Variants in MBNL3 observed in about 807,000 individuals in gnomAD.
MBNL3 encodes the protein muscleblind like splicing regulator 3, also known as muscleblind-like protein 3.
In MBNL3, 6 loss-of-function variants were observed where a neutral mutation model predicts 24.5. The observed-to-expected ratio is 0.25, with a 90% CI of 0.13 to 0.48. The LOEUF (loss-of-function observed/expected upper bound fraction) is 0.48, where lower values mean the gene tolerates loss of function less well. MBNL3 is among the 20% of genes least tolerant of loss of function. MBNL3 has a pLI of 0.99. For synonymous variants in MBNL3, 100 were observed against 101.7 expected, an observed-to-expected ratio of 0.98 and a Z score of 0.10; for missense variants, 230 against 293.5, an observed-to-expected ratio of 0.78 and a Z score of 1.58.
chrX:132,478,978 G>A (rs1182470600), intron 1 of MBNL3, among the ~76,000 whole-genome samples: 1 of 112,279 alleles, frequency 8.9e-6, no homozygotes, highest in Admixed American at 9.4e-5. Flanking sequence ...GGCCCGGCAC[G>A]GTGGCTCACG....
At chrX:132,477,115 T>C (rs771801293) in intron 1 of MBNL3, among the ~76,000 whole-genome samples, 1 of 112,515 alleles carries the variant, frequency 8.9e-6, no homozygotes, top group African/African-American at 3.2e-5. Flanking sequence ...ATTTCACCCT[T>C]CAACATTTTT....
rs1272827800 is a variant in MBNL3, at chrX:132,437,047, C to T, written c.177+2388G>A. Among the ~76,000 whole-genome samples the T allele has an allele frequency of 3.6e-5, 4 of 111,546 alleles. No homozygotes were observed. The East Asian group carries it at 1.1e-3, about 31-fold the overall frequency. On this transcript the variant is annotated intron_variant, in intron 2 of 8. Coordinates refer to ENST00000370853, the MANE Select transcript of MBNL3 (RefSeq NM_001386889.1). ...TCTATTTTGTCTCTGAATTAAACACCTTCCAAGCTCTAAAGTTGTAGTGCA... is the reference window on the plus strand; with the variant it reads ...TCTATTTTGTCTCTGAATTAAACACTTTCCAAGCTCTAAAGTTGTAGTGCA...
chrX:132,435,651 A>G (rs1945079274), intron 2 of MBNL3, among the ~76,000 whole-genome samples: 1 of 112,021 alleles, frequency 8.9e-6, no homozygotes, highest in Admixed American at 9.5e-5. Context: ...TTGTCAAAAT[A>G]TTATTTTTCT....
At chrX:132,409,648 C>A (rs750503164) in intron 2 of MBNL3, among the ~76,000 whole-genome samples, 1 of 111,276 alleles carries the variant, frequency 9.0e-6, no homozygotes, top group Admixed American at 9.5e-5. Flanking sequence ...TCAGAGCATG[C>A]CTTAAACGAC....
rs780672383 is a variant in MBNL3, at chrX:132,371,968, G to A, written c.*7698C>T. On this transcript the variant is annotated 3_prime_UTR_variant, in exon 9 of 9. Coordinates refer to ENST00000370853, the MANE Select transcript of MBNL3 (RefSeq NM_001386889.1). The stretch of plus-strand genomic sequence containing the variant: ...AATAGCCTTCAAGTGAACTCCTAAT[G>A]TGTGAATATGGATTCATAAAAAAAG... 3 of 110,994 alleles carry A rather than the reference G, an allele frequency of 2.7e-5. No homozygotes were observed. In the East Asian group the frequency reaches 8.5e-4, roughly 31 times the overall value. The allele number at this position is 110,994 out of a possible 1,213,427, so 9.1% of individuals were successfully genotyped here.
chrX:132,396,406 ATATATATTCC>A (rs1569423608), intron 3 of MBNL3, among the ~76,000 whole-genome samples: 5 of 81,132 alleles, frequency 6.2e-5, no homozygotes, highest in East Asian at 7.4e-4. Flanking sequence ...ATATATATTC[ATATATATTCC>A]TATATATATA....
rs60044820 is a variant in MBNL3 at position 132,408,092 on chromosome X, C to CTTTTTTTTTTTTTTTTTTT, written c.178-1719_178-1701dup. Among the ~76,000 whole-genome samples the CTTTTTTTTTTTTTTTTTTT allele has an allele frequency of 3.5e-4, 8 of 22,572 alleles. 3 individuals carry two copies. Among genetic ancestry groups the CTTTTTTTTTTTTTTTTTTT allele is most frequent in the Admixed American group, 1.7e-3 (2 of 1,207 alleles). 19.6% of individuals were successfully genotyped at this position (22,572 alleles called of 115,157 possible). A position where few individuals can be genotyped will look rare whatever the true frequency, so the allele number is the denominator to read the frequency against. On this transcript the variant is annotated intron_variant, in intron 2 of 8. Coordinates refer to ENST00000370853, the MANE Select transcript of MBNL3 (RefSeq NM_001386889.1). The stretch of plus-strand genomic sequence containing the variant: ...CCTGACCTCTCTTCTGAATTTCAGT[C>CTTTTTTTTTTTTTTTTTTT]TTTTTTTTTTTTTTTTTTTTTTTTT...
chrX:132,407,649 A>T (rs1288046318), intron 2 of MBNL3, among the ~76,000 whole-genome samples: 1 of 112,044 alleles, frequency 8.9e-6, no homozygotes, highest in African/African-American at 3.2e-5. Flanking sequence ...GAGTGTAAGC[A>T]GACCCCTGTG....
At chrX:132,434,165 G>A (rs1944966437) in intron 2 of MBNL3, among the ~76,000 whole-genome samples, 1 of 112,230 alleles carries the variant, frequency 8.9e-6, no homozygotes, top group Non-Finnish European at 1.9e-5. Context: ...AACAAGAAGG[G>A]GACAGCTGTC....
chrX:132,378,889 TTCTC>T lies in MBNL3; in HGVS notation c.*773_*776del, dbSNP rs1222971532. 8.9e-6 allele frequency: 1 copy of T among 112,328 alleles called. No individual in the cohort carries two copies. The highest frequency in any genetic ancestry group is 3.2e-5 in the African/African-American group (1 of 30,950). The allele number at this position is 112,328 out of a possible 1,213,427, so 9.3% of individuals were successfully genotyped here. On this transcript the variant is annotated 3_prime_UTR_variant, in exon 9 of 9. Transcript: ENST00000370853. ...TTCTCTGCTTTGTGCAGGTAATTAT[TTCTC>T]TCTTTAAAAAATCTAGTAATTTGAT...
At chrX:132,461,134 C>T (rs954088164) in intron 1 of MBNL3, among the ~76,000 whole-genome samples, 1 of 111,415 alleles carries the variant, frequency 9.0e-6, no homozygotes, top group Non-Finnish European at 1.9e-5. Context: ...TAAATACTTA[C>T]AAAATGATAA....
Position 132,424,627 on chromosome X carries a change from T to C in MBNL3, c.177+14808A>G, listed in dbSNP as rs779497564. 5.4e-5 allele frequency among the ~76,000 whole-genome samples: 6 copies of C among 111,630 alleles called. No individual in the cohort carries two copies. In the East Asian group the frequency reaches 1.7e-3, roughly 31 times the overall value. ...TTCTATATTACCCTCTTTTCATGAGTATGTTACTCTATTCATTACACTTTC... is the reference window on the plus strand; with the variant it reads ...TTCTATATTACCCTCTTTTCATGAGCATGTTACTCTATTCATTACACTTTC... On this transcript the variant is annotated intron_variant, in intron 2 of 8. Coordinates refer to ENST00000370853, the MANE Select transcript of MBNL3 (RefSeq NM_001386889.1).
intron 1 of MBNL3, among the ~76,000 whole-genome samples, chrX:132,488,544 T>G (rs1389212980): frequency 9.0e-6 from 1 of 110,746 alleles, no homozygotes; most frequent in Middle Eastern, 4.7e-3. Flanking sequence ...GGAAATTCGT[T>G]GTTAAAAAGC....
intron 1 of MBNL3, among the ~76,000 whole-genome samples, chrX:132,484,935 A>G (rs116548609): frequency 3.2e-3 from 321 of 100,958 alleles, no homozygotes; most frequent in Middle Eastern, 9.6e-3. Context: ...ACACACGCGC[A>G]CACACACACA....
In MBNL3 at chrX:132,462,190, C is replaced by A. The variant is rs189977104; in HGVS notation, c.-703-21876G>T. ...TTTTGGAGAAAGTTTAAATCTCAATCTCTTTCCCAATCTCAATCTCTCTCT... is the reference window on the plus strand; with the variant it reads ...TTTTGGAGAAAGTTTAAATCTCAATATCTTTCCCAATCTCAATCTCTCTCT... On this transcript the variant is annotated intron_variant, in intron 1 of 8. Transcript: ENST00000370853. Among the ~76,000 whole-genome samples, 712 of 111,870 alleles carry A rather than the reference C, an allele frequency of 6.4e-3. 4 individuals carry two copies. Among genetic ancestry groups the A allele is most frequent in the Non-Finnish European group, 0.011 (575 of 53,162 alleles).
chrX:132,377,017 A>G lies in MBNL3; in HGVS notation c.*2649T>C, dbSNP rs1179507421. ...GTCTTCCAGTGCTTAACGCAACATG[A>G]AAACAGCTGTACTGTAGGTCTATTA... On this transcript the variant is annotated 3_prime_UTR_variant, in exon 9 of 9. Transcript: ENST00000370853. 8.9e-6 allele frequency: 1 copy of G among 111,978 alleles called. No individual in the cohort carries two copies. The highest frequency in any genetic ancestry group is 3.2e-5 in the African/African-American group (1 of 30,866). 9.2% of individuals were successfully genotyped at this position (111,978 alleles called of 1,213,427 possible). A position where few individuals can be genotyped will look rare whatever the true frequency, so the allele number is the denominator to read the frequency against.
chrX:132,396,418 A>ATATATATATTCC (rs1262148248), intron 3 of MBNL3, among the ~76,000 whole-genome samples: 29 of 75,522 alleles, frequency 3.8e-4, no homozygotes, highest in Non-Finnish European at 6.8e-4. Context: ...ATATATTCCT[A>ATATATATATTCC]TATATATATT....
At chrX:132,453,309 TAAG>T (rs979882475) in intron 1 of MBNL3, among the ~76,000 whole-genome samples, 2 of 111,799 alleles carry the variant, frequency 1.8e-5, no homozygotes, top group African/African-American at 6.5e-5. Flanking sequence ...TTGGTTTACT[TAAG>T]GAGCCCACAG....
intron 7 of MBNL3, among the ~76,000 whole-genome samples, chrX:132,382,898 G>A (rs1425994984): frequency 1.8e-5 from 2 of 112,036 alleles, no homozygotes; most frequent in African/African-American, 6.5e-5. Context: ...GTACACCTCT[G>A]GCAAACTCCT....
Sources: allele counts gnomAD v4.1 joint callset (sites outside exome capture counted in the v4.1 genomes callset), GRCh38; gene constraint gnomAD v4.1.1; transcripts MANE v1.5; gene names NCBI Gene and HGNC (gene_info 2026-07-23, HGNC 2026-07-21).